VPS13C: variants seen among roughly 807,000 people sequenced by gnomAD.
VPS13C encodes the protein vacuolar protein sorting 13 homolog C.
In VPS13C, 358 loss-of-function variants were observed where a neutral mutation model predicts 456.8. The observed-to-expected ratio is 0.78, with a 90% confidence interval of 0.72 to 0.86. The LOEUF (loss-of-function observed/expected upper bound fraction) is 0.86. VPS13C is among the 40% of genes least tolerant of loss of function. The pLI is 0.00. For synonymous variants in VPS13C, 1,578 were observed against 1,486.7 expected, an observed-to-expected ratio of 1.06 and a Z score of -1.41; for missense variants, 4,818 against 4,385.4, an observed-to-expected ratio of 1.10 and a Z score of -2.79.
chr15:61,886,832 C>A (rs905497335), intron 67 of VPS13C, among the ~76,000 whole-genome samples: 1 of 152,152 alleles, frequency 6.6e-6, no homozygotes, highest in Admixed American at 6.6e-5. Flanking sequence ...AATGAAGGCA[C>A]TGAATAAAAT....
At chr15:61,961,916 G>C (rs762071756) in intron 34 of VPS13C, 23 bp from the exon 35 acceptor site, 23 of 1,587,490 alleles carry the variant, frequency 1.4e-5, no homozygotes, top group Non-Finnish European at 1.6e-5. Context: ...AGCATAAAAA[G>C]AGAAATTCAA....
chr15:61,908,247 C>G (rs1056980045), intron 65 of VPS13C, among the ~76,000 whole-genome samples: 8 of 152,076 alleles, frequency 5.3e-5, no homozygotes, highest in Admixed American at 2.6e-4. Context: ...TTTTAAGTCT[C>G]TCACTGGATT....
At chr15:61,980,952 T>G (rs2045865993) in intron 22 of VPS13C, among the ~76,000 whole-genome samples, 1 of 152,232 alleles carries the variant, frequency 6.6e-6, no homozygotes, top group Non-Finnish European at 1.5e-5. Context: ...AAAGTTGTCT[T>G]GCTCTACTTA....
At chr15:61,973,302 G>A in intron 26 of VPS13C, 152 bp downstream of exon 26, 1 of 575,596 alleles carries the variant, frequency 1.7e-6, no homozygotes, top group Non-Finnish European at 2.9e-6. Flanking sequence ...GGGGATAAGA[G>A]ACTCAGAGTC....
At chr15:61,947,391 A>G in intron 42 of VPS13C, 82 bp from the exon 43 acceptor site, 1 of 1,035,418 alleles carries the variant, frequency 9.7e-7, no homozygotes, top group Non-Finnish European at 1.4e-6. Context: ...CACCAAAATA[A>G]AAGTACCCAA....
Position 61,958,644 on chromosome 15 carries a change from C to T in VPS13C, c.4129G>A (p.Asp1377Asn), listed in dbSNP as rs1467967661. Residue 1377 changes from aspartate to asparagine, a missense_variant, in exon 37 of 85, where the codon GAC becomes AAC. By Grantham distance (23) the Asp-to-Asn change is conservative. This residue lies in a region of VPS13C where 4,552 missense variants were observed against 4,130.6 expected (regional missense o/e 1.10). Coordinates refer to ENST00000644861, the MANE Select transcript of VPS13C (RefSeq NM_020821.3). ...LTENLCEGTE[D>N]LDKVKPRVQE... ...ACTCTTGGTTTCACTTTATCCAAGT[C>T]TTCAGTACCCTCACAGAGATTTTCT... is the stretch of plus-strand genomic sequence containing the variant. The T allele has an allele frequency of 6.3e-7, 1 of 1,577,400 alleles. No individual in the cohort carries two copies. The highest frequency in any genetic ancestry group is 1.2e-5 in the South Asian group (1 of 84,248).
intron 61 of VPS13C, among the ~76,000 whole-genome samples, chr15:61,913,661 T>C (rs1228442891): frequency 1.3e-5 from 2 of 152,180 alleles, no homozygotes; most frequent in East Asian, 1.9e-4. Context: ...GCAATGAGTA[T>C]AGTAAATCTA....
intron 1 of VPS13C, among the ~76,000 whole-genome samples, chr15:62,051,772 T>C (rs958635976): frequency 1.3e-5 from 2 of 152,192 alleles, no homozygotes; most frequent in Non-Finnish European, 2.9e-5. Flanking sequence ...AAGGGGGTTA[T>C]GTTCAGAGCA....
In VPS13C at chr15:61,929,518, T is replaced by G; in HGVS notation, c.6269A>C (p.Lys2090Thr). The change falls in exon 51 of 85, where the codon AAG becomes ACG. Residue 2090 changes from lysine to threonine, a missense_variant. Coordinates refer to ENST00000644861, the MANE Select transcript of VPS13C (RefSeq NM_020821.3). Reference protein sequence around the residue: ...QILPRQTATGKVKIEKDDSVR... With the variant: ...QILPRQTATGTVKIEKDDSVR... ...CTGCTAACCTTTCTCTATCTTGACC[T>G]TCCCTGTGGCAGTCTGTCTTGGTAA... The G allele has an allele frequency of 6.2e-7, 1 of 1,614,078 alleles. No individual in the cohort carries two copies. Among genetic ancestry groups the G allele is most frequent in the Non-Finnish European group, 8.5e-7 (1 of 1,179,964 alleles).
At chr15:61,924,438 T>C (rs2043774750) in intron 53 of VPS13C, among the ~76,000 whole-genome samples, 1 of 152,226 alleles carries the variant, frequency 6.6e-6, no homozygotes, top group African/African-American at 2.4e-5. Context: ...ATTAAGTTTT[T>C]TGACAGCAGG....
At position 61,920,578 on chromosome 15, in the gene VPS13C, C is replaced by T; in HGVS notation, c.7132G>A (p.Ala2378Thr). 4 of 1,586,646 alleles carry T rather than the reference C, an allele frequency of 2.5e-6. No homozygotes were observed. In the African/African-American group the frequency reaches 4.1e-5, roughly 16 times the overall value. Residue 2378 changes from alanine to threonine, a missense_variant, in exon 56 of 85, where the codon GCA becomes ACA. Ala to Thr is a moderately conservative substitution (Grantham distance 58, BLOSUM62 0). Coordinates refer to ENST00000644861, the MANE Select transcript of VPS13C (RefSeq NM_020821.3). Reference protein sequence around the residue: ...GDDFIPEPQMAIHISSGNTMN... With the variant: ...GDDFIPEPQMTIHISSGNTMN... ...GTATTTCCTGAAGAAATATGAATTG[C>T]CATTTGTGGCTCAGGAATAAAATCA...
intron 2 of VPS13C, among the ~76,000 whole-genome samples, chr15:62,041,974 A>G (rs114735989): frequency 0.011 from 1,681 of 152,296 alleles, 41 homozygotes; most frequent in African/African-American, 0.039. Flanking sequence ...TTAAAATCAA[A>G]CCAAATCAAT....
chr15:62,046,790 A>G (rs1464315987), intron 1 of VPS13C, among the ~76,000 whole-genome samples: 1 of 152,240 alleles, frequency 6.6e-6, no homozygotes, highest in African/African-American at 2.4e-5. Flanking sequence ...TTGATCAAGT[A>G]GTAGGATAGC....
At chr15:61,937,835 C>T (rs914562905) in intron 47 of VPS13C, among the ~76,000 whole-genome samples, 5 of 152,118 alleles carry the variant, frequency 3.3e-5, no homozygotes, top group South Asian at 2.1e-4. Flanking sequence ...CTAAAACAAA[C>T]GAAACTGCTA....
chr15:61,882,063 TG>T (rs1311818794), intron 69 of VPS13C, among the ~76,000 whole-genome samples: 2 of 151,912 alleles, frequency 1.3e-5, no homozygotes. Context: ...GTGTGCAGTA[TG>T]TACATCATTA....
In VPS13C at chr15:61,983,861, G is replaced by A; in HGVS notation, c.1873C>T (p.Leu625=). Residue 625 remains leucine, a synonymous_variant, in exon 20 of 85, where the codon CTG becomes TTG. Transcript: ENST00000644861. ...NPEDSPADQT[L]IVQSQPVEVI... is the part of the protein sequence containing the mutation. ...TCCACAGGCTGGGACTGAACAATCA[G>A]AGTCTGGTCAGCAGGACTATCCTCC... 1 of 1,614,128 alleles carries A rather than the reference G, an allele frequency of 6.2e-7. No homozygotes were observed. The highest frequency in any genetic ancestry group is 8.5e-7 in the Non-Finnish European group (1 of 1,179,990).
chr15:61,933,556 G>A (rs766957809), intron 49 of VPS13C, among the ~76,000 whole-genome samples: 45 of 151,658 alleles, frequency 3.0e-4, no homozygotes, highest in Admixed American at 1.6e-3. Context: ...TAATCAATAC[G>A]GAATATGGAT....
chr15:61,868,665 T>G lies in VPS13C; in HGVS notation c.10857A>C (p.Leu3619Phe). The change falls in exon 81 of 85, where the codon TTA (leucine) becomes TTC (phenylalanine). Residue 3619 changes from leucine (L) to phenylalanine (F), a missense_variant. Leu to Phe is a conservative substitution (Grantham distance 22). Transcript: ENST00000644861. Reference sequence around the variant, plus strand: ...CATGAAGAACAAAATTTACCTCAAGTAAGTCAGAGCCCTCAGATTCCTGTC... The same window carrying G: ...CATGAAGAACAAAATTTACCTCAAGGAAGTCAGAGCCCTCAGATTCCTGTC... ...YDRQESEGSD[L>F]LENHIKKLEG... is the part of the protein sequence containing the mutation. 1.2e-6 allele frequency: 2 copies of G among 1,613,994 alleles called. 1 individual carries two copies. The highest frequency in any genetic ancestry group is 2.2e-5 in the South Asian group (2 of 91,060).
Position 62,023,834 on chromosome 15 carries a change from T to C in VPS13C, c.460A>G (p.Lys154Glu). The C allele has an allele frequency of 1.2e-6, 2 of 1,611,006 alleles. No individual in the cohort carries two copies. Among genetic ancestry groups the C allele is most frequent in the Admixed American group, 1.7e-5 (1 of 59,922 alleles). Residue 154 changes from lysine (K) to glutamate (E), a missense_variant, in exon 7 of 85, where the codon AAA (lysine) becomes GAA (glutamate). By Grantham distance (56) the Lys-to-Glu change is moderately conservative. This residue lies in a region of VPS13C where 4,552 missense variants were observed against 4,130.6 expected (regional missense o/e 1.10). Transcript: ENST00000644861. ...YKDIKPGRKR[K>E]KHKKHFKKPF... ...TTCTTAAAATGTTTTTTGTGCTTTT[T>C]ACGTTTACGTCCTTCACAGTGGAAG...
Sources: gnomAD v4.1 joint callset for allele counts (sites outside exome capture counted in the v4.1 genomes callset) on GRCh38, gnomAD v4.1.1 for gene constraint, gnomAD v4.1.1 regional missense constraint, MANE v1.5 for transcripts, NCBI Gene and HGNC (gene_info 2026-07-23, HGNC 2026-07-21) for gene names.